PRKAR1A: variants seen among roughly 807,000 people sequenced by gnomAD.
PRKAR1A encodes the protein cAMP-dependent protein kinase type I-alpha regulatory subunit.
Under a neutral mutation model 52.0 loss-of-function variants are expected in PRKAR1A, and 3 were observed. The observed-to-expected ratio is 0.06, with a 90% CI of 0.03 to 0.15. The LOEUF (loss-of-function observed/expected upper bound fraction) is 0.15, where lower values mean the gene tolerates loss of function less well. Ranked by LOEUF, PRKAR1A falls within the 10% of genes least tolerant of loss-of-function variation. PRKAR1A has a pLI of 1.00. For synonymous variants in PRKAR1A, 188 were observed against 168.4 expected, an observed-to-expected ratio of 1.12 and a Z score of -0.90; for missense variants, 240 against 477.4, an observed-to-expected ratio of 0.50 and a Z score of 4.63.
chr17:68,433,357 T>C, the PRKAR1A span: 2 of 1,052,076 alleles, frequency 1.9e-6, no homozygotes, highest in South Asian at 2.8e-5. Flanking sequence ...AAGTCCCAAG[T>C]GAAGCCAAGA....
the PRKAR1A span, chr17:68,424,360 G>A: frequency 8.9e-5 from 45 of 503,416 alleles, no homozygotes; most frequent in African/African-American, 3.9e-4. Context: ...GGGCCCCACC[G>A]CAGCTTTGTT....
At chr17:68,500,773 T>C in the PRKAR1A span, among the ~76,000 whole-genome samples, 1 of 152,030 alleles carries the variant, frequency 6.6e-6, no homozygotes, top group Non-Finnish European at 1.5e-5. Context: ...CTCCTTGGCC[T>C]CCCAAAGTGC....
chr17:68,426,242 T>C, the PRKAR1A span: 9 of 668,982 alleles, frequency 1.3e-5, no homozygotes, highest in Non-Finnish European at 1.8e-5. Context: ...ACCTGGCGGG[T>C]GGGGAGCGGG....
At chr17:68,537,688 CTGTAGTCAGCT>C (rs765838425), downstream of PRKAR1A, 7 of 1,613,610 alleles carry the variant, frequency 4.3e-6, no homozygotes, top group Non-Finnish European at 5.9e-6. This position sits in a 1 kb window ranked among gnomAD's most constrained non-coding sequence, Gnocchi z 4.2. Flanking sequence ...ATCGCTGAGT[CTGTAGTCAGCT>C]TGGGCCAGCA....
chr17:68,485,218 C>A, the PRKAR1A span, among the ~76,000 whole-genome samples: 1 of 152,166 alleles, frequency 6.6e-6, no homozygotes, highest in Non-Finnish European at 1.5e-5. Flanking sequence ...AAGGTAAGCT[C>A]AAGACAGATG....
intron 11 of PRKAR1A, among the ~76,000 whole-genome samples, chr17:68,542,498 A>T (rs1047065261): frequency 6.6e-6 from 1 of 152,128 alleles, no homozygotes; most frequent in Non-Finnish European, 1.5e-5. Flanking sequence ...AGCATCTCAA[A>T]CACAACCTTT....
At chr17:68,485,818 A>G in the PRKAR1A span, among the ~76,000 whole-genome samples, 1 of 152,256 alleles carries the variant, frequency 6.6e-6, no homozygotes, top group South Asian at 2.1e-4. Context: ...AGCTCACTGC[A>G]GCCTCCACCC....
chr17:68,530,887 T>A lies in PRKAR1A; in HGVS notation c.*438T>A. On this transcript the variant is annotated 3_prime_UTR_variant, in exon 11 of 11. Transcript: ENST00000589228. ...ATTTCTTTGTAGAATAAATGGTTTCTCATTAAACTCTAAAGATTAGGGAAA... is the reference window on the plus strand; with the variant it reads ...ATTTCTTTGTAGAATAAATGGTTTCACATTAAACTCTAAAGATTAGGGAAA... The A allele has an allele frequency of 8.8e-7, 1 of 1,132,862 alleles. No homozygotes were observed. The highest frequency in any genetic ancestry group is 1.1e-6 in the Non-Finnish European group (1 of 918,786). 70.2% of individuals were successfully genotyped at this position (1,132,862 alleles called of 1,614,324 possible). A position where few individuals can be genotyped will look rare whatever the true frequency, so the allele number is the denominator to read the frequency against.
At chr17:68,432,051 G>T in the PRKAR1A span, among the ~76,000 whole-genome samples, 1 of 152,196 alleles carries the variant, frequency 6.6e-6, no homozygotes, top group South Asian at 2.1e-4. Flanking sequence ...AAAAGTGAAA[G>T]AAAATCCTAA....
the PRKAR1A span, among the ~76,000 whole-genome samples, chr17:68,429,586 C>G: frequency 6.6e-6 from 1 of 151,994 alleles, no homozygotes; most frequent in African/African-American, 2.4e-5. Flanking sequence ...TCCTTTGGGG[C>G]AAGTTTTCTT....
Position 68,532,006 on chromosome 17 carries a change from T to A in PRKAR1A, c.*1557T>A. 9.4e-7 allele frequency: 1 copy of A among 1,065,644 alleles called. No homozygotes were observed. The allele number at this position is 1,065,644 out of a possible 1,614,324, so 66.0% of individuals were successfully genotyped here. ...TTTCCCAGGTAATTTAAATTGGTCATGGTAGATTTTTTTCATAGATTTGAA... is the reference window on the plus strand; with the variant it reads ...TTTCCCAGGTAATTTAAATTGGTCAAGGTAGATTTTTTTCATAGATTTGAA... On this transcript the variant is annotated 3_prime_UTR_variant, in exon 11 of 11. Coordinates refer to ENST00000589228, the MANE Select transcript of PRKAR1A (RefSeq NM_002734.5).
the PRKAR1A span, among the ~76,000 whole-genome samples, chr17:68,460,726 T>A: frequency 6.6e-6 from 1 of 152,220 alleles, no homozygotes; most frequent in Non-Finnish European, 1.5e-5. Flanking sequence ...TGATGAAAAC[T>A]AATTCTTATT....
chr17:68,516,509 A>T (rs898924357), intron 2 of PRKAR1A, among the ~76,000 whole-genome samples: 8 of 152,178 alleles, frequency 5.3e-5, no homozygotes, highest in East Asian at 1.9e-4. Flanking sequence ...AAAGAAATGA[A>T]TCATTTCTTT....
At chr17:68,473,806 C>T in the PRKAR1A span, among the ~76,000 whole-genome samples, 1 of 152,156 alleles carries the variant, frequency 6.6e-6, no homozygotes, top group African/African-American at 2.4e-5. Context: ...CAGGCGTGAA[C>T]CACCGCATCT....
the PRKAR1A span, among the ~76,000 whole-genome samples, chr17:68,430,541 T>TG: frequency 6.6e-6 from 1 of 152,172 alleles, no homozygotes; most frequent in African/African-American, 2.4e-5. Context: ...GCCGGGCTCA[T>TG]GGAAGAACAG....
At chr17:68,549,989 G>A (rs7213247) in intron 11 of PRKAR1A, among the ~76,000 whole-genome samples, 24,626 of 152,148 alleles carry the variant, frequency 0.16, 2,021 homozygotes, top group South Asian at 0.18. Context: ...CAACCACTTT[G>A]TTTTGTTTGG....
At chr17:68,425,744 C>T in the PRKAR1A span, among the ~76,000 whole-genome samples, 3 of 152,176 alleles carry the variant, frequency 2.0e-5, no homozygotes, top group African/African-American at 2.4e-5. Context: ...AGACAAGTCA[C>T]GTGTTCCTAC....
At chr17:68,457,496 C>G in the PRKAR1A span, 2 of 1,276,182 alleles carry the variant, frequency 1.6e-6, no homozygotes, top group South Asian at 3.9e-5. Flanking sequence ...GCCGGCTCCA[C>G]GGGCCGGGTC....
At chr17:68,510,159 CAGAGAGAGAGAGAGAG>C (rs35144524), upstream of PRKAR1A, among the ~76,000 whole-genome samples, 4 of 127,630 alleles carry the variant, frequency 3.1e-5, no homozygotes, top group South Asian at 2.7e-4. Context: ...TATATGTAGA[CAGAGAGAGAGAGAGAG>C]AGAGAGAGAG....
Sources: gnomAD v4.1 joint callset for allele counts (sites outside exome capture counted in the v4.1 genomes callset) on GRCh38, gnomAD v4.1.1 for gene constraint, Gnocchi (gnomAD v3.1) non-coding constraint, MANE v1.5 for transcripts, NCBI Gene and HGNC (gene_info 2026-07-23, HGNC 2026-07-21) for gene names.